RAP1GAP2: variants seen among roughly 807,000 people sequenced by gnomAD.
RAP1GAP2 encodes rap1 GTPase-activating protein 2.
Under a neutral mutation model 95.0 loss-of-function variants are expected in RAP1GAP2, and 27 were observed. The ratio of observed to expected loss-of-function variants is 0.28; its 90% CI spans 0.21 to 0.39. RAP1GAP2 has a LOEUF of 0.39. Among genes scored for constraint, RAP1GAP2 ranks in the 10% least tolerant of loss-of-function variants. The pLI, the probability that RAP1GAP2 is intolerant of heterozygous loss-of-function variation, is 1.00. For synonymous variants in RAP1GAP2, 373 were observed against 380.9 expected, an observed-to-expected ratio of 0.98 and a Z score of 0.24; for missense variants, 771 against 970.0, an observed-to-expected ratio of 0.79 and a Z score of 2.72.
intron 1 of RAP1GAP2, among the ~76,000 whole-genome samples, chr17:2,766,982 G>GTT (rs1011637458): frequency 6.8e-6 from 1 of 146,488 alleles, no homozygotes; most frequent in Non-Finnish European, 1.5e-5. Context: ...CAGCTGCACA[G>GTT]TTTTTTTTTT....
At chr17:2,912,386 G>A (rs1597589972) in intron 3 of RAP1GAP2, among the ~76,000 whole-genome samples, 1 of 152,292 alleles carries the variant, frequency 6.6e-6, no homozygotes, top group South Asian at 2.1e-4. Context: ...CCTGCCTCCT[G>A]TCTTCTGTTA....
At chr17:3,006,450 T>C (rs986046958) in intron 16 of RAP1GAP2, among the ~76,000 whole-genome samples, 41 of 135,184 alleles carry the variant, frequency 3.0e-4, no homozygotes, top group African/African-American at 1.1e-3. Flanking sequence ...TTTTTTTTTT[T>C]CAAGACAGAA....
chr17:2,935,466 C>T (rs1168801155), intron 3 of RAP1GAP2, among the ~76,000 whole-genome samples: 1 of 152,124 alleles, frequency 6.6e-6, no homozygotes, highest in Non-Finnish European at 1.5e-5. Flanking sequence ...GAGATTGTGC[C>T]ATTGCACTCC....
In RAP1GAP2 at chr17:3,018,136, C is replaced by G. The variant is rs889214737; in HGVS notation, c.1570C>G (p.Pro524Ala). 2.5e-6 allele frequency: 4 copies of G among 1,585,062 alleles called. No individual in the cohort carries two copies. The highest frequency in any genetic ancestry group is 1.8e-5 in the Admixed American group (1 of 55,856). ...GAAGAAGTCGCACAGTGGGGGCATC[C>G]CTGGCAGCCTCAGCGGGGGCATCTC... ...GQKKSHSGGIPGSLSGGISHN... is the reference protein window; with the variant it reads ...GQKKSHSGGIAGSLSGGISHN... The change falls in exon 18 of 25, where the codon CCT (proline) becomes GCT (alanine). Residue 524 changes from proline (P) to alanine (A), a missense_variant. By Grantham distance (27) the Pro-to-Ala change is conservative (BLOSUM62 -1). Coordinates refer to ENST00000254695, the MANE Select transcript of RAP1GAP2 (RefSeq NM_015085.5).
At chr17:2,799,240 A>G (rs2069182999) in intron 1 of RAP1GAP2, among the ~76,000 whole-genome samples, 1 of 152,104 alleles carries the variant, frequency 6.6e-6, no homozygotes, top group Admixed American at 6.5e-5. Context: ...GCGGGTGGGG[A>G]TTCCAGGGTG....
intron 3 of RAP1GAP2, among the ~76,000 whole-genome samples, chr17:2,952,746 T>C (rs927955381): frequency 3.3e-5 from 5 of 152,188 alleles, no homozygotes; most frequent in African/African-American, 1.2e-4. Flanking sequence ...TGTTTCCATG[T>C]GTTCATTGGT....
intron 10 of RAP1GAP2, among the ~76,000 whole-genome samples, chr17:2,983,391 T>A (rs764953678): frequency 6.6e-6 from 1 of 152,118 alleles, no homozygotes; most frequent in Non-Finnish European, 1.5e-5. Context: ...CGTTTCTCAT[T>A]CAAGTGCGTT....
upstream of RAP1GAP2, among the ~76,000 whole-genome samples, chr17:2,792,720 G>C (rs564398152): frequency 2.0e-5 from 3 of 152,376 alleles, no homozygotes; most frequent in South Asian, 4.1e-4. Flanking sequence ...TCTGACTCAG[G>C]AGTGTTGTTT....
chr17:2,965,396 G>A lies in RAP1GAP2; in HGVS notation c.493-144G>A, dbSNP rs910379780. ...CCTGAGGATCCGGCCGTCGGTACCT[G>A]TTAATGTCGTTGTCATTGTCATCAG... On this transcript the variant is annotated intron_variant, in intron 7 of 24. Transcript: ENST00000254695. This position sits in a 1 kb window ranked among gnomAD's most constrained non-coding sequence, Gnocchi z 4.7. 1.5e-6 allele frequency: 1 copy of A among 676,940 alleles called. No homozygotes were observed. The highest frequency in any genetic ancestry group is 2.6e-5 in the Admixed American group (1 of 39,048). 41.9% of individuals were successfully genotyped at this position (676,940 alleles called of 1,614,324 possible). A position where few individuals can be genotyped will look rare whatever the true frequency, so the allele number is the denominator to read the frequency against.
chr17:2,859,498 T>A (rs1451700587), intron 2 of RAP1GAP2, among the ~76,000 whole-genome samples: 2 of 152,148 alleles, frequency 1.3e-5, no homozygotes, highest in African/African-American at 2.4e-5. Context: ...TGCAGTGGTA[T>A]GATCTTGGCT....
At chr17:2,787,597 T>G (rs2068817733) in intron 1 of RAP1GAP2, among the ~76,000 whole-genome samples, 1 of 151,888 alleles carries the variant, frequency 6.6e-6, no homozygotes, top group Admixed American at 6.6e-5. Context: ...AGATGGAGTC[T>G]TGCTCTGTCG....
At chr17:2,775,506 T>C (rs1281449969), upstream of RAP1GAP2, among the ~76,000 whole-genome samples, 1 of 148,604 alleles carries the variant, frequency 6.7e-6, no homozygotes, top group East Asian at 2.0e-4. Flanking sequence ...GCACGGGGCA[T>C]GGGGTGGAAG....
At chr17:2,873,534 G>A (rs1268918347) in intron 2 of RAP1GAP2, among the ~76,000 whole-genome samples, 1 of 131,834 alleles carries the variant, frequency 7.6e-6, no homozygotes, top group Non-Finnish European at 1.6e-5. Context: ...GCAGAAAGGT[G>A]TGTAAAGATC....
At chr17:2,830,856 A>C (rs1203734789) in intron 2 of RAP1GAP2, among the ~76,000 whole-genome samples, 4 of 151,306 alleles carry the variant, frequency 2.6e-5, no homozygotes, top group Non-Finnish European at 5.9e-5. Flanking sequence ...CTGTCCCTAC[A>C]TTCTAAAATT....
rs1447387572 is a variant in RAP1GAP2, at chr17:2,837,005, CT to C, written c.80+36458del. Among the ~76,000 whole-genome samples the C allele has an allele frequency of 2.0e-5, 3 of 152,238 alleles. No individual in the cohort carries two copies. The East Asian group carries it at 5.8e-4, about 29-fold the overall frequency. ...GTGGCTCACACCTGTCATCCCAGCA[CT>C]TTGGGATGCCAAGACAGGAGGATCA... On this transcript the variant is annotated intron_variant, in intron 2 of 24. Transcript: ENST00000254695.
Position 2,980,378 on chromosome 17 carries a change from C to A in RAP1GAP2, c.675+13C>A, listed in dbSNP as rs1164545499. 1.4e-5 allele frequency: 23 copies of A among 1,613,104 alleles called. No individual in the cohort carries two copies. Among genetic ancestry groups the A allele is most frequent in the Non-Finnish European group, 2.0e-5 (23 of 1,179,166 alleles). The stretch of plus-strand genomic sequence containing the variant: ...TCAGATTGCAAAGGTGAGAAACCAA[C>A]CCGTGAGAGATGGTGGCTTCCTCTC... On this transcript the variant is annotated intron_variant, in intron 9 of 24. Coordinates refer to ENST00000254695, the MANE Select transcript of RAP1GAP2 (RefSeq NM_015085.5).
intron 3 of RAP1GAP2, among the ~76,000 whole-genome samples, chr17:2,912,922 A>C (rs2151748334): frequency 6.6e-6 from 1 of 152,268 alleles, no homozygotes; most frequent in East Asian, 1.9e-4. Flanking sequence ...ACATGCCTGA[A>C]ATCCCAGCAT....
intron 2 of RAP1GAP2, among the ~76,000 whole-genome samples, chr17:2,869,310 G>A (rs746196559): frequency 6.6e-6 from 1 of 152,062 alleles, no homozygotes; most frequent in Admixed American, 6.6e-5. Context: ...GAGGGAAAGA[G>A]AATTTTTGTT....
upstream of RAP1GAP2, among the ~76,000 whole-genome samples, chr17:2,794,650 C>T (rs79271380): frequency 0.055 from 8,432 of 152,290 alleles, 335 homozygotes; most frequent in South Asian, 0.18. Context: ...AGCTGCTCCC[C>T]CAGCCCACTC....
Sources: gnomAD v4.1 joint callset for allele counts (sites outside exome capture counted in the v4.1 genomes callset) on GRCh38, gnomAD v4.1.1 for gene constraint, Gnocchi (gnomAD v3.1) non-coding constraint, MANE v1.5 for transcripts, NCBI Gene and HGNC (gene_info 2026-07-23, HGNC 2026-07-21) for gene names.